The following CHFR variants were observed in gnomAD, a reference collection of about 807,000 sequenced individuals.
The protein encoded by CHFR is checkpoint with forkhead and ring finger domains.
In CHFR, 57 loss-of-function variants were observed where a neutral mutation model predicts 87.6. That is an observed-to-expected ratio of 0.65 (90% confidence interval 0.53 to 0.81). The LOEUF is 0.81. Among genes scored for constraint, CHFR ranks in the 30% least tolerant of loss-of-function variants. The pLI is 0.00. For synonymous variants in CHFR, 381 were observed against 359.2 expected (o/e 1.06, Z -0.69); for missense variants, 797 against 865.8 (o/e 0.92, Z 1.00).
At chr12:132,860,334 T>C (rs1951184741) in intron 7 of CHFR, among the ~76,000 whole-genome samples, 1 of 152,322 alleles carries the variant, frequency 6.6e-6, no homozygotes, top group South Asian at 2.1e-4. Context: ...ATTTGTATTA[T>C]TATGCTTATG....
At chr12:132,885,611 C>T (rs1370385950) in intron 2 of CHFR, among the ~76,000 whole-genome samples, 4 of 152,056 alleles carry the variant, frequency 2.6e-5, no homozygotes, top group Non-Finnish European at 4.4e-5. Flanking sequence ...ATTTTCTCTC[C>T]TTGTCTTAAC....
chr12:132,836,821 C>T lies in CHFR; in HGVS notation c.*4733G>A, dbSNP rs1302006700. ...GCTCATCAGCTCATCAGACCTTCAC[C>T]GTTCAGTAGCCAACTGGTCAGTGAT... On this transcript the variant is annotated 3_prime_UTR_variant, in exon 18 of 18. Coordinates refer to ENST00000450056, the MANE Select transcript of CHFR (RefSeq NM_001161346.2). 6.6e-6 allele frequency: 3 copies of T among 453,880 alleles called. No individual in the cohort carries two copies. The highest frequency in any genetic ancestry group is 3.3e-4 in the Middle Eastern group (1 of 3,064). 28.1% of individuals were successfully genotyped at this position (453,880 alleles called of 1,614,324 possible). A position where few individuals can be genotyped will look rare whatever the true frequency, so the allele number is the denominator to read the frequency against.
chr12:132,858,087 T>G (rs958303116), intron 8 of CHFR, among the ~76,000 whole-genome samples: 2 of 152,146 alleles, frequency 1.3e-5, no homozygotes, highest in Non-Finnish European at 2.9e-5. Context: ...CCATGCGGGG[T>G]GGCTCACGTC....
chr12:132,834,896 T>C lies in CHFR; in HGVS notation c.*6658A>G, dbSNP rs530337431. ...ACGCCCGGCTAATTTTTTGGTATTT[T>C]TTAGTAGAGACGGGGTTTCACCATG... On this transcript the variant is annotated 3_prime_UTR_variant, in exon 18 of 18. Transcript: ENST00000450056. 1 of 151,380 alleles carries C rather than the reference T, an allele frequency of 6.6e-6. No homozygotes were observed. Among genetic ancestry groups the C allele is most frequent in the East Asian group, 2.0e-4 (1 of 5,126 alleles). 9.4% of individuals were successfully genotyped at this position (151,380 alleles called of 1,614,324 possible). A position where few individuals can be genotyped will look rare whatever the true frequency, so the allele number is the denominator to read the frequency against.
At chr12:132,842,424 G>C (rs1376478339) in intron 17 of CHFR, among the ~76,000 whole-genome samples, 5 of 152,226 alleles carry the variant, frequency 3.3e-5, no homozygotes, top group Admixed American at 6.5e-5. Context: ...ATCCCTGTGA[G>C]GGAGGCGCCT....
chr12:132,846,293 C>T (rs369142435), intron 15 of CHFR, among the ~76,000 whole-genome samples: 16 of 144,994 alleles, frequency 1.1e-4, no homozygotes, highest in East Asian at 4.7e-4. Context: ...GACGGAGTCT[C>T]GCTCTGTCCC....
intron 4 of CHFR, among the ~76,000 whole-genome samples, chr12:132,871,421 C>T (rs988240899): frequency 6.6e-6 from 1 of 151,318 alleles, no homozygotes; most frequent in Admixed American, 6.6e-5. Flanking sequence ...CATTGCACTC[C>T]AGCCTCCGCA....
At chr12:132,850,313 T>G (rs1950911823) in intron 12 of CHFR, among the ~76,000 whole-genome samples, 1 of 152,192 alleles carries the variant, frequency 6.6e-6, no homozygotes, top group Admixed American at 6.5e-5. Flanking sequence ...GATTGAGTCC[T>G]TAAGTCTTAT....
intron 11 of CHFR, among the ~76,000 whole-genome samples, chr12:132,852,927 G>A (rs1950978569): frequency 6.6e-6 from 1 of 152,178 alleles, no homozygotes; most frequent in Admixed American, 6.5e-5. Context: ...CATACCCCCT[G>A]CCCAGCTCTC....
At chr12:132,850,574 A>G (rs1950917797) in intron 12 of CHFR, among the ~76,000 whole-genome samples, 1 of 152,136 alleles carries the variant, frequency 6.6e-6, no homozygotes, top group Non-Finnish European at 1.5e-5. Context: ...GGTGTGTCCC[A>G]CGGCCATGTG....
intron 6 of CHFR, 56 bp downstream of exon 6, chr12:132,869,563 A>G: frequency 1.4e-6 from 2 of 1,478,936 alleles, no homozygotes; most frequent in Non-Finnish European, 1.8e-6. Context: ...ACAGGTAAAG[A>G]GTAGTGAACA....
chr12:132,857,135 C>T (rs559155204), intron 9 of CHFR, among the ~76,000 whole-genome samples: 1,608 of 131,766 alleles, frequency 0.012, 19 homozygotes, highest in Non-Finnish European at 0.019. Flanking sequence ...GGTGGAGGGA[C>T]AGCCCTCACG....
intron 14 of CHFR, chr12:132,847,353 T>C: frequency 7.7e-7 from 1 of 1,290,378 alleles, no homozygotes; most frequent in African/African-American, 1.5e-5. Flanking sequence ...GTGTAACAGT[T>C]ACCAGAGTCT....
intron 11 of CHFR, 98 bp downstream of exon 11, chr12:132,853,333 C>A: frequency 3.1e-6 from 4 of 1,287,712 alleles, no homozygotes; most frequent in Non-Finnish European, 4.0e-6. Flanking sequence ...GCAGTGCAGA[C>A]AGGAGGCGGG....
chr12:132,872,377 A>G lies in CHFR; in HGVS notation c.251T>C (p.Ile84Thr). 11 of 1,612,658 alleles carry G rather than the reference A, an allele frequency of 6.8e-6. No individual in the cohort carries two copies. The highest frequency in any genetic ancestry group is 8.5e-6 in the Non-Finnish European group (10 of 1,178,652). Residue 84 changes from isoleucine (I) to threonine (T), a missense_variant, in exon 4 of 18, where the codon ATT becomes ACT. By Grantham distance (89) the Ile-to-Thr change is moderately conservative. Coordinates refer to ENST00000450056, the MANE Select transcript of CHFR (RefSeq NM_001161346.2). ...CTTCTTAACAACCTTCAGCTTGTTA[A>G]TCACTGTTCCACTGGTGCTGTAAAA... ...LEDTSTSGTV[I>T]NKLKVVKKQT... is the part of the protein sequence containing the mutation.
intron 17 of CHFR, among the ~76,000 whole-genome samples, chr12:132,842,144 T>C (rs1003653113): frequency 5.4e-5 from 8 of 149,468 alleles, no homozygotes; most frequent in Non-Finnish European, 1.2e-4. Flanking sequence ...GCAAACATCT[T>C]AGATAATTTT....
At chr12:132,884,095 G>C (rs1163267583) in intron 2 of CHFR, among the ~76,000 whole-genome samples, 1 of 152,106 alleles carries the variant, frequency 6.6e-6, no homozygotes, top group Non-Finnish European at 1.5e-5. Context: ...ACTCCAGCCT[G>C]GGTGACAGAG....
intron 3 of CHFR, among the ~76,000 whole-genome samples, chr12:132,877,316 GGTTT>G (rs1233212119): frequency 2.0e-5 from 3 of 152,088 alleles, no homozygotes; most frequent in African/African-American, 4.8e-5. Flanking sequence ...ACACCATCTA[GGTTT>G]GTTTAAGTAT....
At chr12:132,865,534 G>GCAT (rs2136998189) in intron 6 of CHFR, among the ~76,000 whole-genome samples, 1 of 151,918 alleles carries the variant, frequency 6.6e-6, no homozygotes, top group South Asian at 2.1e-4. Context: ...CACCATGCCT[G>GCAT]GATAATTTTT....
Sources: allele counts gnomAD v4.1 joint callset (sites outside exome capture counted in the v4.1 genomes callset), GRCh38; gene constraint gnomAD v4.1.1; transcripts MANE v1.5; gene names NCBI Gene and HGNC (gene_info 2026-07-23, HGNC 2026-07-21).